RIC1: variants seen among roughly 807,000 people sequenced by gnomAD.
RIC1 encodes the protein RIC1 partner of RAB6A GEF complex, also known as guanine nucleotide exchange factor subunit RIC1.
A neutral mutation model predicts 169.0 loss-of-function variants in RIC1; 88 were observed. The ratio of observed to expected loss-of-function variants is 0.52; its 90% CI spans 0.44 to 0.62. RIC1 has a LOEUF of 0.62. RIC1 is among the 20% of genes least tolerant of loss of function. RIC1 has a pLI of 0.00. For synonymous variants in RIC1, 790 were observed against 601.5 expected, an observed-to-expected ratio of 1.31 and a Z score of -4.59; for missense variants, 1,877 against 1,725.5, an observed-to-expected ratio of 1.09 and a Z score of -1.56.
Position 5,745,980 on chromosome 9 carries a change from C to T in RIC1, c.1145C>T (p.Ser382Phe), listed in dbSNP as rs758812263. ...CTATGGGTAATCAGCGGATTTGGTT[C>T]TCAAAACACTGAAATTGAGTCTGAC... ...YHLWVISGFGSQNTEIESDLR... is the reference protein window; with the variant it reads ...YHLWVISGFGFQNTEIESDLR... Residue 382 changes from serine to phenylalanine, a missense_variant, in exon 11 of 26, where the codon TCT becomes TTT. Ser to Phe is a radical substitution (Grantham distance 155). Transcript: ENST00000414202. 2 of 1,613,524 alleles carry T rather than the reference C, an allele frequency of 1.2e-6. No homozygotes were observed. Among genetic ancestry groups the T allele is most frequent in the East Asian group, 2.2e-5 (1 of 44,864 alleles).
intron 22 of RIC1, chr9:5,769,575 C>G: frequency 1.3e-6 from 1 of 785,830 alleles, no homozygotes; most frequent in Non-Finnish European, 1.8e-6. Flanking sequence ...GTTCTGGAAT[C>G]AGATAGACAT....
Position 5,763,779 on chromosome 9 carries a change from G to C in RIC1, c.2752G>C (p.Ala918Pro). 1 of 1,614,126 alleles carries C rather than the reference G, an allele frequency of 6.2e-7. No individual in the cohort carries two copies. The highest frequency in any genetic ancestry group is 8.5e-7 in the Non-Finnish European group (1 of 1,180,004). ...TEYALWNYLFAAVGNPKDLFE... is the reference protein window; with the variant it reads ...TEYALWNYLFPAVGNPKDLFE... Reference sequence around the variant, plus strand: ...ATATGCCCTGTGGAATTACCTTTTTGCAGCTGTTGGAAACCCTAAGGACTT... The same window carrying C: ...ATATGCCCTGTGGAATTACCTTTTTCCAGCTGTTGGAAACCCTAAGGACTT... The change falls in exon 19 of 26, where the codon GCA becomes CCA. Residue 918 changes from alanine to proline, a missense_variant. By Grantham distance (27) the Ala-to-Pro change is conservative. Around this residue, in one of 3 missense-constraint regions of RIC1, gnomAD observed 92 missense variants for 151.5 expected, o/e 0.61. Transcript: ENST00000414202. This position sits in a 1 kb window ranked among gnomAD's most constrained non-coding sequence, Gnocchi z 5.2.
At chr9:5,764,124 A>G (rs1826520642) in intron 19 of RIC1, among the ~76,000 whole-genome samples, 1 of 152,242 alleles carries the variant, frequency 6.6e-6, no homozygotes, top group Non-Finnish European at 1.5e-5. Context: ...AAATTTTAAT[A>G]TATTGAAGAA....
intron 23 of RIC1, among the ~76,000 whole-genome samples, chr9:5,770,763 T>C (rs1049627236): frequency 2.0e-5 from 3 of 152,236 alleles, no homozygotes; most frequent in African/African-American, 7.2e-5. Flanking sequence ...TCCTACATAA[T>C]ATCCTTGATT....
chr9:5,664,650 G>A (rs1819644994), intron 2 of RIC1, among the ~76,000 whole-genome samples: 1 of 152,124 alleles, frequency 6.6e-6, no homozygotes, highest in African/African-American at 2.4e-5. Context: ...GAATTTGAAT[G>A]TTGGCCTGTC....
chr9:5,728,224 T>C (rs1587042482), intron 6 of RIC1, among the ~76,000 whole-genome samples: 1 of 152,246 alleles, frequency 6.6e-6, no homozygotes, highest in Non-Finnish European at 1.5e-5. Context: ...TTTGTTTACC[T>C]ATTCAAGCCT....
chr9:5,691,127 A>C (rs991983806), intron 3 of RIC1, among the ~76,000 whole-genome samples: 4 of 151,996 alleles, frequency 2.6e-5, no homozygotes, highest in African/African-American at 7.2e-5. Flanking sequence ...CTTCTCTTAT[A>C]GTGATATGTA....
At chr9:5,648,719 G>C (rs1347168311) in intron 1 of RIC1, among the ~76,000 whole-genome samples, 1 of 152,288 alleles carries the variant, frequency 6.6e-6, no homozygotes, top group African/African-American at 2.4e-5. Flanking sequence ...ACTGGGTTAA[G>C]ATGATATCTT....
At chr9:5,645,958 T>TC (rs1237730330) in intron 1 of RIC1, among the ~76,000 whole-genome samples, 5 of 151,850 alleles carry the variant, frequency 3.3e-5, no homozygotes, top group African/African-American at 1.2e-4. Flanking sequence ...GGTTTTTTTT[T>TC]TTTTTGAGAA....
At chr9:5,684,405 CAA>C (rs912464453) in intron 2 of RIC1, among the ~76,000 whole-genome samples, 16 of 150,718 alleles carry the variant, frequency 1.1e-4, no homozygotes, top group African/African-American at 3.9e-4. Context: ...GCAATATAAA[CAA>C]GATGTATTTC....
chr9:5,735,811 C>A (rs529498304), intron 7 of RIC1, among the ~76,000 whole-genome samples: 1 of 152,280 alleles, frequency 6.6e-6, no homozygotes, highest in Admixed American at 6.5e-5. Flanking sequence ...TCTGGTTACA[C>A]ATTTTGTCAT....
At chr9:5,732,981 C>T (rs944720298) in intron 7 of RIC1, among the ~76,000 whole-genome samples, 3 of 151,804 alleles carry the variant, frequency 2.0e-5, no homozygotes, top group Non-Finnish European at 4.4e-5. Flanking sequence ...ATCTGTATGC[C>T]TATCACATAC....
intron 3 of RIC1, among the ~76,000 whole-genome samples, chr9:5,705,337 C>T (rs1386189365): frequency 6.6e-6 from 1 of 151,766 alleles, no homozygotes; most frequent in South Asian, 2.1e-4. Flanking sequence ...TTAGTTCTCC[C>T]TTAATTTATT....
At chr9:5,696,836 A>G (rs1287268879) in intron 3 of RIC1, among the ~76,000 whole-genome samples, 1 of 152,160 alleles carries the variant, frequency 6.6e-6, no homozygotes, top group Non-Finnish European at 1.5e-5. Context: ...TTTAAAGAGT[A>G]TTGAAGGTTG....
intron 3 of RIC1, among the ~76,000 whole-genome samples, chr9:5,695,018 A>G (rs1364935457): frequency 6.6e-6 from 1 of 152,216 alleles, no homozygotes; most frequent in East Asian, 1.9e-4. Flanking sequence ...GTAGAGGGTG[A>G]TAAGTAAAAT....
At chr9:5,740,560 A>G (rs542235041) in intron 8 of RIC1, among the ~76,000 whole-genome samples, 1 of 151,844 alleles carries the variant, frequency 6.6e-6, no homozygotes, top group African/African-American at 2.4e-5. Context: ...AGGAGGAAGG[A>G]GAGCCAGTCC....
At chr9:5,728,420 G>A (rs112692222) in intron 6 of RIC1, among the ~76,000 whole-genome samples, 28 of 152,302 alleles carry the variant, frequency 1.8e-4, no homozygotes, top group African/African-American at 6.5e-4. Context: ...GGAGTGTCCC[G>A]ATTTTCCATG....
intron 2 of RIC1, among the ~76,000 whole-genome samples, chr9:5,688,479 A>G (rs1221916574): frequency 2.1e-4 from 32 of 151,344 alleles, no homozygotes; most frequent in Non-Finnish European, 4.4e-4. Flanking sequence ...TATGTGTGAA[A>G]CCTTTGTTAT....
chr9:5,711,065 C>T (rs1822901169), intron 3 of RIC1, among the ~76,000 whole-genome samples: 1 of 152,002 alleles, frequency 6.6e-6, no homozygotes, highest in Admixed American at 6.6e-5. Flanking sequence ...ACAGGTCTAC[C>T]AGGTGCTCAG....
Sources: allele counts gnomAD v4.1 joint callset (sites outside exome capture counted in the v4.1 genomes callset), GRCh38; gene constraint gnomAD v4.1.1; regional missense constraint gnomAD v4.1.1; non-coding constraint Gnocchi (gnomAD v3.1); transcripts MANE v1.5; gene names NCBI Gene and HGNC (gene_info 2026-07-23, HGNC 2026-07-21).